The following GABRG3 variants were observed in gnomAD, a reference collection of about 807,000 sequenced individuals.
GABRG3 encodes the protein gamma-aminobutyric acid receptor subunit gamma-3.
In GABRG3, 25 loss-of-function variants were observed where a neutral mutation model predicts 48.8. The ratio of observed to expected loss-of-function variants is 0.51; its 90% confidence interval spans 0.37 to 0.72. GABRG3 has a LOEUF of 0.72. GABRG3 is among the 30% of genes least tolerant of loss of function. The pLI is 0.00. For synonymous variants in GABRG3, 227 were observed against 217.6 expected, an observed-to-expected ratio of 1.04 and a Z score of -0.38; for missense variants, 394 against 577.9, an observed-to-expected ratio of 0.68 and a Z score of 3.26.
chr15:27,364,507 C>G (rs1348310958), intron 5 of GABRG3: 1 of 152,190 alleles, frequency 6.6e-6, no homozygotes, highest in African/African-American at 2.4e-5. Flanking sequence ...AATGGAGATA[C>G]TGTTCAGATA....
At chr15:27,039,816 G>A (rs560510232) in intron 3 of GABRG3, among the ~76,000 whole-genome samples, 9 of 152,278 alleles carry the variant, frequency 5.9e-5, no homozygotes, top group South Asian at 4.1e-4. Flanking sequence ...CTGTCACCCC[G>A]CGGTCCGCCA....
chr15:27,225,740 A>G (rs1889592359), intron 3 of GABRG3, among the ~76,000 whole-genome samples: 1 of 152,064 alleles, frequency 6.6e-6, no homozygotes, highest in Admixed American at 6.5e-5. Flanking sequence ...GCTGCCCTCT[A>G]ACAGGTGCCC....
chr15:27,247,334 G>A, intron 3 of GABRG3, among the ~76,000 whole-genome samples: 1 of 151,958 alleles, frequency 6.6e-6, no homozygotes, highest in East Asian at 1.9e-4. Context: ...CTCTCTTCCA[G>A]CCCCAGCTCT....
chr15:27,080,228 C>T (rs997407932), intron 3 of GABRG3, among the ~76,000 whole-genome samples: 2 of 152,084 alleles, frequency 1.3e-5, no homozygotes, highest in Admixed American at 1.3e-4. Flanking sequence ...GGCAGGAGGA[C>T]CACTTGAACC....
At chr15:26,996,114 T>C (rs1895335604) in intron 2 of GABRG3, among the ~76,000 whole-genome samples, 1 of 152,156 alleles carries the variant, frequency 6.6e-6, no homozygotes, top group African/African-American at 2.4e-5. Flanking sequence ...ATATGTACTT[T>C]TTTATGCAAT....
intron 3 of GABRG3, among the ~76,000 whole-genome samples, chr15:27,275,295 A>T (rs17648976): frequency 6.6e-6 from 1 of 152,006 alleles, no homozygotes; most frequent in East Asian, 1.9e-4. Context: ...TTAAAATTTC[A>T]TGGTTCTTTC....
intron 3 of GABRG3, among the ~76,000 whole-genome samples, chr15:27,088,555 G>T (rs937233527): frequency 6.6e-6 from 1 of 152,132 alleles, no homozygotes; most frequent in Non-Finnish European, 1.5e-5. Flanking sequence ...GAAGAAAAGA[G>T]GTTTCATTGG....
rs888046548 is a variant in GABRG3, at chr15:27,538,969, T to C, written c.*6088T>C. ...TGCAGTCCCCAAGATGTCAGTCTTC[T>C]CAAAATGACAACATTGTCACTAACC... is the stretch of plus-strand genomic sequence containing the variant. On this transcript the variant is annotated 3_prime_UTR_variant, in exon 10 of 10. Coordinates refer to ENST00000615808, the MANE Select transcript of GABRG3 (RefSeq NM_033223.5). 1 of 152,186 alleles carries C rather than the reference T, an allele frequency of 6.6e-6. No homozygotes were observed. The highest frequency in any genetic ancestry group is 1.5e-5 in the Non-Finnish European group (1 of 68,026). 9.4% of individuals were successfully genotyped at this position (152,186 alleles called of 1,614,324 possible).
At chr15:27,007,594 C>G (rs969106908) in intron 2 of GABRG3, among the ~76,000 whole-genome samples, 5 of 152,056 alleles carry the variant, frequency 3.3e-5, no homozygotes, top group Non-Finnish European at 7.4e-5. Flanking sequence ...TTTTGGCTTC[C>G]TAATAATAGC....
rs1566897164 is a variant in GABRG3 at position 26,974,927 on chromosome 15, G to T, written c.54-2075G>T. 6.6e-6 allele frequency among the ~76,000 whole-genome samples: 1 copy of T among 150,606 alleles called. No individual in the cohort carries two copies. The highest frequency in any genetic ancestry group is 1.5e-5 in the Non-Finnish European group (1 of 67,778). On this transcript the variant is annotated intron_variant, in intron 1 of 9. Coordinates refer to ENST00000615808, the MANE Select transcript of GABRG3 (RefSeq NM_033223.5). The surrounding 1 kb of genome is among the most constrained non-coding windows in gnomAD (Gnocchi z 4.3). ...CTCGCTCTGTTGCCCAGGCTGGAGTGCAGTGACACTATCTCGGCTCACTGC... is the reference window on the plus strand; with the variant it reads ...CTCGCTCTGTTGCCCAGGCTGGAGTTCAGTGACACTATCTCGGCTCACTGC...
intron 3 of GABRG3, among the ~76,000 whole-genome samples, chr15:27,144,401 G>C (rs768113246): frequency 2.4e-4 from 36 of 152,144 alleles, no homozygotes; most frequent in Admixed American, 1.3e-3. Context: ...TATTCAAACT[G>C]TCTGGTAGTT....
At position 27,391,029 on chromosome 15, in the gene GABRG3, G is replaced by A. The variant is rs146677733; in HGVS notation, c.574+62141G>A. Among the ~76,000 whole-genome samples, 357 of 151,812 alleles carry A rather than the reference G, an allele frequency of 2.4e-3. 1 individual carries two copies. Among genetic ancestry groups the A allele is most frequent in the Middle Eastern group, 0.01 (3 of 294 alleles). ...CTTGAGCCCAGGAGACAGGAGTTGC[G>A]GTGAGCCAAGATCACACCATTGCAC... is the stretch of plus-strand genomic sequence containing the variant. On this transcript the variant is annotated intron_variant, in intron 5 of 9. Coordinates refer to ENST00000615808, the MANE Select transcript of GABRG3 (RefSeq NM_033223.5).
At chr15:27,489,111 G>T (rs1890287599) in intron 6 of GABRG3, among the ~76,000 whole-genome samples, 1 of 150,948 alleles carries the variant, frequency 6.6e-6, no homozygotes, top group Non-Finnish European at 1.5e-5. Context: ...TCCCACTTAT[G>T]AGTGAGAACA....
At chr15:27,023,777 C>G (rs545715547) in intron 2 of GABRG3, among the ~76,000 whole-genome samples, 166 of 152,360 alleles carry the variant, frequency 1.1e-3, no homozygotes, top group African/African-American at 3.6e-3. Flanking sequence ...GCTATTCAAT[C>G]TGTTTGAGCC....
intron 3 of GABRG3, among the ~76,000 whole-genome samples, chr15:27,249,648 G>A (rs1890392885): frequency 6.6e-6 from 1 of 152,166 alleles, no homozygotes; most frequent in South Asian, 2.1e-4. Flanking sequence ...CAGTGTGACA[G>A]AGTGTGAGTT....
In GABRG3 at chr15:27,334,345, G is replaced by A. The variant is rs138636602; in HGVS notation, c.574+5457G>A. Among the ~76,000 whole-genome samples the A allele has an allele frequency of 2.1e-3, 325 of 152,070 alleles. 4 individuals are homozygous for A. The highest frequency in any genetic ancestry group is 0.019 in the Admixed American group (291 of 15,270). On this transcript the variant is annotated intron_variant, in intron 5 of 9. Transcript: ENST00000615808. ...CTGTAAGCTAATATAGGGGTTCACC[G>A]GACCTCGACATAATCTCTTTCTGTT...
chr15:27,031,179 G>T (rs191024817), intron 3 of GABRG3, among the ~76,000 whole-genome samples: 2 of 151,882 alleles, frequency 1.3e-5, no homozygotes, highest in African/African-American at 4.8e-5. Flanking sequence ...TCTTTATCAT[G>T]CAAAGCCTAT....
At chr15:27,173,431 GT>G (rs1292815536) in intron 3 of GABRG3, among the ~76,000 whole-genome samples, 5 of 152,120 alleles carry the variant, frequency 3.3e-5, no homozygotes, top group Non-Finnish European at 5.9e-5. Flanking sequence ...GGTTGATTTA[GT>G]TTTATTGAGA....
At chr15:27,151,755 T>C (rs951002231) in intron 3 of GABRG3, among the ~76,000 whole-genome samples, 2 of 152,182 alleles carry the variant, frequency 1.3e-5, no homozygotes, top group African/African-American at 4.8e-5. Context: ...ACTCAAGGAC[T>C]GCAGGAGGCC....
Sources: allele counts gnomAD v4.1 joint callset (sites outside exome capture counted in the v4.1 genomes callset), GRCh38; gene constraint gnomAD v4.1.1; non-coding constraint Gnocchi (gnomAD v3.1); transcripts MANE v1.5; gene names NCBI Gene and HGNC (gene_info 2026-07-23, HGNC 2026-07-21).